The following SLC41A3 variants were observed in gnomAD, a reference collection of about 807,000 sequenced individuals.
SLC41A3 encodes SLC41A1-like 2.
In SLC41A3, 44 loss-of-function variants were observed where a neutral mutation model predicts 45.4. The observed-to-expected ratio is 0.97, with a 90% CI of 0.76 to 1.25. The LOEUF (loss-of-function observed/expected upper bound fraction) is 1.25, where lower values mean the gene tolerates loss of function less well. SLC41A3 is among the 50% of genes most tolerant of loss of function. The pLI is 0.00. For synonymous variants in SLC41A3, 256 were observed against 252.4 expected (o/e 1.01, Z -0.13); for missense variants, 550 against 600.6 (o/e 0.92, Z 0.88).
intron 2 of SLC41A3, chr3:126,067,647 G>A: frequency 2.0e-6 from 1 of 504,458 alleles, no homozygotes. Flanking sequence ...TGTTATGGCA[G>A]CAGTAGTTGA....
chr3:126,067,101 G>T, intron 2 of SLC41A3, among the ~76,000 whole-genome samples: 1 of 80,640 alleles, frequency 1.2e-5, no homozygotes, highest in Non-Finnish European at 2.3e-5. Flanking sequence ...CCGCCCCCCC[G>T]CCCCCCGCCC....
chr3:126,073,602 TA>T (rs1270486077), intron 1 of SLC41A3, among the ~76,000 whole-genome samples: 1 of 151,732 alleles, frequency 6.6e-6, no homozygotes, highest in East Asian at 1.9e-4. Flanking sequence ...TAAATAAAGC[TA>T]AAAAAATTAG....
chr3:126,059,310 G>GAA (rs1553740822), intron 2 of SLC41A3, among the ~76,000 whole-genome samples: 3 of 88,074 alleles, frequency 3.4e-5, no homozygotes, highest in Non-Finnish European at 4.8e-5. Flanking sequence ...AAGAAAGAAA[G>GAA]GAAGGATGAT....
chr3:126,081,192 G>A (rs114554292), intron 1 of SLC41A3, among the ~76,000 whole-genome samples: 4,127 of 152,266 alleles, frequency 0.027, 166 homozygotes, highest in African/African-American at 0.09. Flanking sequence ...AGAAGAATGA[G>A]ATCCTGTCAT....
intron 2 of SLC41A3, among the ~76,000 whole-genome samples, chr3:126,063,588 C>A (rs1944182963): frequency 6.6e-6 from 1 of 152,226 alleles, no homozygotes; most frequent in South Asian, 2.1e-4. Flanking sequence ...AGATGCCCCA[C>A]TTGGGGGTAG....
intron 1 of SLC41A3, among the ~76,000 whole-genome samples, chr3:126,097,725 T>C (rs1439223182): frequency 1.3e-5 from 2 of 152,078 alleles, no homozygotes; most frequent in Non-Finnish European, 2.9e-5. Flanking sequence ...ACTGGCAAAG[T>C]AAAATGACAA....
At chr3:126,063,623 A>G (rs1944184614) in intron 2 of SLC41A3, among the ~76,000 whole-genome samples, 1 of 152,128 alleles carries the variant, frequency 6.6e-6, no homozygotes, top group Admixed American at 6.5e-5. Flanking sequence ...TTCCTGCCTC[A>G]CTGACACACA....
chr3:126,010,588 A>C (rs1939605717), intron 9 of SLC41A3, among the ~76,000 whole-genome samples: 1 of 152,218 alleles, frequency 6.6e-6, no homozygotes, highest in South Asian at 2.1e-4. Flanking sequence ...CTATTCCAAC[A>C]AACACCACAG....
chr3:126,053,167 G>T (rs143653423), intron 2 of SLC41A3, among the ~76,000 whole-genome samples: 206 of 152,326 alleles, frequency 1.4e-3, no homozygotes, highest in African/African-American at 4.9e-3. Context: ...AAACATGACT[G>T]TATTTGGAGA....
chr3:126,018,668 G>C (rs1288083379), intron 6 of SLC41A3, among the ~76,000 whole-genome samples: 1 of 152,194 alleles, frequency 6.6e-6, no homozygotes, highest in Non-Finnish European at 1.5e-5. Flanking sequence ...TCTTCCCTTT[G>C]TCTGGGCACT....
chr3:126,056,631 C>CAGGA (rs1943686951), intron 2 of SLC41A3: 1 of 1,510,482 alleles, frequency 6.6e-7, no homozygotes, highest in South Asian at 1.3e-5. Flanking sequence ...TGGCCCACAC[C>CAGGA]AGGACGCTGT....
At position 126,033,601 on chromosome 3, in the gene SLC41A3, ACT is replaced by A. The variant is rs1941966403; in HGVS notation, c.453+4_453+5del. 1.9e-5 allele frequency: 30 copies of A among 1,611,166 alleles called. No homozygotes were observed. The highest frequency in any genetic ancestry group is 2.5e-5 in the Non-Finnish European group (29 of 1,179,298). On this transcript the variant is annotated splice_donor_5th_base_variant and intron_variant, in intron 4 of 10. Transcript: ENST00000360370. Reference sequence around the variant, plus strand: ...GAAGGGAGGGTCGGACAAGGTGAAGACTCACCTGGATGAGGGCCAGGTTGCTG... The same window carrying A: ...GAAGGGAGGGTCGGACAAGGTGAAGACACCTGGATGAGGGCCAGGTTGCTG...
intron 1 of SLC41A3, among the ~76,000 whole-genome samples, chr3:126,091,180 T>C (rs1945482538): frequency 6.6e-6 from 1 of 152,210 alleles, no homozygotes; most frequent in Admixed American, 6.5e-5. Context: ...GACTCCATTT[T>C]ACAGTTGTTT....
chr3:126,026,131 C>T lies in SLC41A3; in HGVS notation c.598+204G>A, dbSNP rs1310882386. On this transcript the variant is annotated intron_variant, in intron 5 of 10. Transcript: ENST00000360370. The surrounding 1 kb of genome is among the most constrained non-coding windows in gnomAD (Gnocchi z 4.2). ...GGCGAGTGGTGGCAGGAGCGGCACA[C>T]ACCCCTGCCTGGGTGAGGGCACAAG... Among the ~76,000 whole-genome samples the T allele has an allele frequency of 3.3e-5, 5 of 152,166 alleles. No homozygotes were observed. Among genetic ancestry groups the T allele is most frequent in the Non-Finnish European group, 7.4e-5 (5 of 68,024 alleles).
At chr3:126,028,352 G>A (rs1448801951) in intron 4 of SLC41A3, among the ~76,000 whole-genome samples, 1 of 152,240 alleles carries the variant, frequency 6.6e-6, no homozygotes. Flanking sequence ...CTCCAGTCAT[G>A]GCTCAAAAGG....
chr3:126,070,751 T>C (rs1413190442), intron 1 of SLC41A3, among the ~76,000 whole-genome samples: 1 of 152,134 alleles, frequency 6.6e-6, no homozygotes, highest in Non-Finnish European at 1.5e-5. Flanking sequence ...AGGGAGTCTT[T>C]AAGGCCGAAT....
intron 1 of SLC41A3, among the ~76,000 whole-genome samples, chr3:126,098,106 A>G (rs1477383338): frequency 6.6e-6 from 1 of 152,240 alleles, no homozygotes; most frequent in East Asian, 1.9e-4. Flanking sequence ...AGTCTCATAC[A>G]ATGTTAGGAG....
intron 1 of SLC41A3, among the ~76,000 whole-genome samples, chr3:126,070,913 C>G (rs1263382100): frequency 2.6e-5 from 4 of 151,472 alleles, no homozygotes; most frequent in Non-Finnish European, 5.9e-5. Flanking sequence ...CCACATAAAT[C>G]AAGTTGGAAT....
rs751061493 is a variant in SLC41A3, at chr3:126,026,440, C to T, written c.493G>A (p.Ala165Thr). The T allele has an allele frequency of 2.5e-6, 4 of 1,600,970 alleles. No homozygotes were observed. The highest frequency in any genetic ancestry group is 1.7e-5 in the Admixed American group (1 of 58,504). The change falls in exon 5 of 11, where the codon GCG becomes ACG. Residue 165 changes from alanine (A) to threonine (T), a missense_variant. Coordinates refer to ENST00000360370, the MANE Select transcript of SLC41A3 (RefSeq NM_017836.4). This position sits in a 1 kb window ranked among gnomAD's most constrained non-coding sequence, Gnocchi z 4.2. The part of the protein sequence containing the change: ...TVVGLLAAVA[A>T]LLLGVVSREE... ...CGAGACACCACGCCCAACAGCAGCGCAGCCACAGCAGCCAAGAGCCCCACG... is the reference window on the plus strand; with the variant it reads ...CGAGACACCACGCCCAACAGCAGCGTAGCCACAGCAGCCAAGAGCCCCACG...
Sources: gnomAD v4.1 joint callset for allele counts (sites outside exome capture counted in the v4.1 genomes callset) on GRCh38, gnomAD v4.1.1 for gene constraint, Gnocchi (gnomAD v3.1) non-coding constraint, MANE v1.5 for transcripts, NCBI Gene and HGNC (gene_info 2026-07-23, HGNC 2026-07-21) for gene names.